RALGAPA2: variants seen among roughly 807,000 people sequenced by gnomAD.
RALGAPA2 encodes ral GTPase-activating protein subunit alpha-2.
A neutral mutation model predicts 230.4 loss-of-function variants in RALGAPA2; 139 were observed. The observed-to-expected ratio is 0.60, with a 90% CI of 0.53 to 0.69. The LOEUF is 0.69. Ranked by LOEUF, RALGAPA2 falls within the 30% of genes least tolerant of loss-of-function variation. The pLI is 0.00. For missense variants in RALGAPA2, 2,163 were observed against 2,276.0 expected (o/e 0.95, Z 1.01); for synonymous variants, 847 against 837.8 (o/e 1.01, Z -0.19).
chr20:20,702,329 T>C (rs1295192464), intron 1 of RALGAPA2, among the ~76,000 whole-genome samples: 1 of 152,070 alleles, frequency 6.6e-6, no homozygotes, highest in Non-Finnish European at 1.5e-5. Context: ...GCAAGAGATT[T>C]ATTGGGGTAA....
intron 37 of RALGAPA2, among the ~76,000 whole-genome samples, chr20:20,420,585 A>G (rs1364165021): frequency 6.6e-6 from 1 of 152,132 alleles, no homozygotes; most frequent in Non-Finnish European, 1.5e-5. Flanking sequence ...ATGCTGGGTG[A>G]CACACACACC....
At position 20,642,421 on chromosome 20, in the gene RALGAPA2, G is replaced by A. The variant is rs369979110; in HGVS notation, c.372+1085C>T. ...AGACGGGGTTTCACCATGTTGGCCA[G>A]GCTGGTCTCGAACTCCTGACCTCAG... is the stretch of plus-strand genomic sequence containing the variant. On this transcript the variant is annotated intron_variant, in intron 5 of 39. Coordinates refer to ENST00000202677, the MANE Select transcript of RALGAPA2 (RefSeq NM_020343.4). Among the ~76,000 whole-genome samples, 58 of 152,226 alleles carry A rather than the reference G, an allele frequency of 3.8e-4. No homozygotes were observed. The East Asian group carries it at 8.3e-3, about 22-fold the overall frequency.
chr20:20,505,486 T>C lies in RALGAPA2; in HGVS notation c.4977A>G (p.Glu1659=), dbSNP rs778402844. The C allele has an allele frequency of 9.2e-5, 148 of 1,605,490 alleles. No individual in the cohort carries two copies. Among genetic ancestry groups the C allele is most frequent in the Non-Finnish European group, 1.2e-4 (146 of 1,175,264 alleles). Residue 1659 remains glutamate (E), a synonymous_variant, in exon 34 of 40, where the codon GAA becomes GAG. Coordinates refer to ENST00000202677, the MANE Select transcript of RALGAPA2 (RefSeq NM_020343.4). ...IAVFYIAEGQ[E]DKCSILSNER... is the part of the protein sequence containing the mutation. ...CATTAGAGAGGATTGAACACTTGTC[T>C]TCTTGACCTTCAGCAATGTAAAACA... is the stretch of plus-strand genomic sequence containing the variant.
intron 1 of RALGAPA2, among the ~76,000 whole-genome samples, chr20:20,687,713 T>C (rs940164324): frequency 6.6e-6 from 1 of 152,182 alleles, no homozygotes; most frequent in African/African-American, 2.4e-5. Flanking sequence ...AGGTTTGTTA[T>C]GCAACACTAT....
chr20:20,469,825 G>C (rs1169442066), intron 37 of RALGAPA2, among the ~76,000 whole-genome samples: 1 of 152,138 alleles, frequency 6.6e-6, no homozygotes, highest in Non-Finnish European at 1.5e-5. Context: ...CAACCCTCTA[G>C]GCACAGGAAT....
intron 31 of RALGAPA2, among the ~76,000 whole-genome samples, chr20:20,515,329 A>G (rs1002176701): frequency 6.6e-6 from 1 of 152,226 alleles, no homozygotes; most frequent in African/African-American, 2.4e-5. Flanking sequence ...CAGTGTTAGC[A>G]TGCGTCTCCC....
chr20:20,518,815 T>C (rs1281262347), intron 31 of RALGAPA2, among the ~76,000 whole-genome samples: 3 of 152,220 alleles, frequency 2.0e-5, no homozygotes. Flanking sequence ...GATATACTCA[T>C]GTGGATGAGT....
intron 23 of RALGAPA2, among the ~76,000 whole-genome samples, chr20:20,559,936 T>C (rs990718242): frequency 1.9e-4 from 29 of 152,230 alleles, no homozygotes; most frequent in Admixed American, 2.0e-4. Flanking sequence ...ATTATTTTTA[T>C]TAAATAACAG....
In RALGAPA2 at chr20:20,513,121, C is replaced by A. The variant is rs560443154; in HGVS notation, c.4248G>T (p.Leu1416=). The A allele has an allele frequency of 2.5e-6, 4 of 1,572,490 alleles. No individual in the cohort carries two copies. The highest frequency in any genetic ancestry group is 3.4e-6 in the Non-Finnish European group (4 of 1,162,608). ...TTGGACTTCTGAACACCTCAAAGGA[C>A]AGCTCGGAGCCTTCCACATGGGCAT... ...HDNAHVEGSE[L]SFEVFRSPNL... The change falls in exon 32 of 40, where the codon CTG becomes CTT. Residue 1416 remains leucine (L), a synonymous_variant. Coordinates refer to ENST00000202677, the MANE Select transcript of RALGAPA2 (RefSeq NM_020343.4).
rs1446077517 is a variant in RALGAPA2 at position 20,521,093 on chromosome 20, T to C, written c.3908A>G (p.His1303Arg). 6 of 1,604,106 alleles carry C rather than the reference T, an allele frequency of 3.7e-6. No homozygotes were observed. In the Admixed American group the frequency reaches 8.4e-5, roughly 22 times the overall value. Residue 1303 changes from histidine (H) to arginine (R), a missense_variant, in exon 31 of 40, where the codon CAC becomes CGC. By Grantham distance (29) the His-to-Arg change is conservative. Coordinates refer to ENST00000202677, the MANE Select transcript of RALGAPA2 (RefSeq NM_020343.4). Reference protein sequence around the residue: ...PLLDYIYRVLHCCVCGSSTYT... With the variant: ...PLLDYIYRVLRCCVCGSSTYT... ...CGTGCTTGAGCCACACACACAGCAG[T>C]GCAAAACCTGTGAAAACAGAGGCCA...
At chr20:20,536,620 T>G in intron 25 of RALGAPA2, 36 bp downstream of exon 25, 1 of 1,599,206 alleles carries the variant, frequency 6.3e-7, no homozygotes, top group East Asian at 2.2e-5. Flanking sequence ...TTATAAAAAG[T>G]ACTAAACTTG....
intron 3 of RALGAPA2, among the ~76,000 whole-genome samples, chr20:20,664,804 G>A (rs982886145): frequency 6.6e-6 from 1 of 152,136 alleles, no homozygotes; most frequent in African/African-American, 2.4e-5. Flanking sequence ...TAAATTCAGA[G>A]GATTTAAACT....
At chr20:20,510,751 G>A (rs2062680899) in intron 33 of RALGAPA2, among the ~76,000 whole-genome samples, 1 of 152,174 alleles carries the variant, frequency 6.6e-6, no homozygotes, top group South Asian at 2.1e-4. Context: ...AGTCTGGCCA[G>A]CTTTGGAGAA....
chr20:20,399,084 C>A (rs771282090), intron 38 of RALGAPA2, among the ~76,000 whole-genome samples: 7 of 152,276 alleles, frequency 4.6e-5, no homozygotes, highest in Admixed American at 2.0e-4. Context: ...GTGGCTCACG[C>A]CTGTAATCCC....
chr20:20,504,735 A>G (rs1352924311), intron 34 of RALGAPA2, among the ~76,000 whole-genome samples: 1 of 150,660 alleles, frequency 6.6e-6, no homozygotes, highest in Non-Finnish European at 1.5e-5. Flanking sequence ...AGAAAAGACA[A>G]AAAAAAAAGA....
intron 1 of RALGAPA2, among the ~76,000 whole-genome samples, chr20:20,704,694 A>G (rs2069525852): frequency 6.6e-6 from 1 of 152,222 alleles, no homozygotes; most frequent in Non-Finnish European, 1.5e-5. Flanking sequence ...CCCAGCATCT[A>G]TGTTTCAAAT....
chr20:20,463,937 A>C (rs932590886), intron 37 of RALGAPA2, among the ~76,000 whole-genome samples: 6 of 152,170 alleles, frequency 3.9e-5, no homozygotes, highest in African/African-American at 1.4e-4. Flanking sequence ...TGTATTTGGG[A>C]ACAACAGTGG....
At chr20:20,629,277 T>C in intron 10 of RALGAPA2, 86 bp downstream of exon 10, 1 of 1,167,486 alleles carries the variant, frequency 8.6e-7, no homozygotes, top group South Asian at 1.4e-5. Flanking sequence ...GTGTTACAAG[T>C]AAAAGAACAT....
intron 31 of RALGAPA2, among the ~76,000 whole-genome samples, chr20:20,520,396 C>T (rs2063001642): frequency 1.3e-5 from 2 of 152,180 alleles, no homozygotes; most frequent in Non-Finnish European, 2.9e-5. Flanking sequence ...TAAGTCCTGA[C>T]AATCCCTATA....
Sources: allele counts gnomAD v4.1 joint callset (sites outside exome capture counted in the v4.1 genomes callset), GRCh38; gene constraint gnomAD v4.1.1; transcripts MANE v1.5; gene names NCBI Gene and HGNC (gene_info 2026-07-23, HGNC 2026-07-21).